Variants in AFF2 observed in about 807,000 individuals in gnomAD.
AFF2 encodes ALF transcription elongation factor 2.
Under a neutral mutation model 76.9 loss-of-function variants are expected in AFF2, and 14 were observed. That is an observed-to-expected ratio of 0.18 (90% CI 0.12 to 0.28). The LOEUF is 0.28. Ranked by LOEUF, AFF2 falls within the 10% of genes least tolerant of loss-of-function variation. The pLI, the probability that AFF2 is intolerant of heterozygous loss-of-function variation, is 1.00. For missense variants in AFF2, 868 were observed against 1,001.1 expected (o/e 0.87, Z 1.79); for synonymous variants, 398 against 366.7 (o/e 1.09, Z -0.98).
At chrX:148,511,893 C>A (rs2052486389) in intron 1 of AFF2, among the ~76,000 whole-genome samples, 1 of 112,310 alleles carries the variant, frequency 8.9e-6, no homozygotes, top group Non-Finnish European at 1.9e-5. Context: ...TGGAAAAACA[C>A]CCCTGAACAT....
At chrX:148,600,633 C>T (rs2053617488) in intron 1 of AFF2, among the ~76,000 whole-genome samples, 1 of 111,657 alleles carries the variant, frequency 9.0e-6, no homozygotes, top group African/African-American at 3.3e-5. Context: ...GTGCAGCTCA[C>T]CATACAAAAG....
At chrX:148,645,166 G>C (rs962929971) in intron 1 of AFF2, among the ~76,000 whole-genome samples, 1 of 111,405 alleles carries the variant, frequency 9.0e-6, no homozygotes, top group African/African-American at 3.3e-5. Flanking sequence ...ATGAAATTTT[G>C]CTATGTTTTT....
At chrX:148,646,526 G>C (rs979617198) in intron 1 of AFF2, among the ~76,000 whole-genome samples, 2 of 111,850 alleles carry the variant, frequency 1.8e-5, no homozygotes, top group Non-Finnish European at 3.8e-5. Flanking sequence ...TATTAAGCCT[G>C]TTTCTGCCAG....
chrX:148,523,546 A>G (rs1443692239), intron 1 of AFF2, among the ~76,000 whole-genome samples: 1 of 112,456 alleles, frequency 8.9e-6, no homozygotes, highest in Non-Finnish European at 1.9e-5. Flanking sequence ...TCAAATGAAA[A>G]TAGCTCTCTT....
chrX:148,595,111 C>T (rs1214979372), intron 1 of AFF2, among the ~76,000 whole-genome samples: 3 of 111,935 alleles, frequency 2.7e-5, no homozygotes, highest in Non-Finnish European at 5.6e-5. Flanking sequence ...TGCAATGGGA[C>T]AGAATAGCTT....
chrX:148,943,583 A>G (rs1557285843), intron 9 of AFF2, among the ~76,000 whole-genome samples: 1 of 111,960 alleles, frequency 8.9e-6, no homozygotes, highest in Non-Finnish European at 1.9e-5. Context: ...TCTTGTGGCA[A>G]TCAAATCATG....
At chrX:148,629,813 C>A (rs1452011529) in intron 1 of AFF2, among the ~76,000 whole-genome samples, 2 of 111,483 alleles carry the variant, frequency 1.8e-5, no homozygotes, top group African/African-American at 6.5e-5. Context: ...AACTCTTGAG[C>A]CTGTTCAGTG....
intron 14 of AFF2, 82 bp downstream of exon 14, chrX:148,967,161 T>C (rs896645731): frequency 1.4e-5 from 16 of 1,157,475 alleles, no homozygotes; most frequent in Admixed American, 2.3e-5. Flanking sequence ...GTGCTGTGCA[T>C]GTGTCACCCC....
In AFF2 at chrX:148,996,981, C is replaced by G. The variant is rs1479400582; in HGVS notation, c.*5649C>G. 3 of 112,104 alleles carry G rather than the reference C, an allele frequency of 2.7e-5. No homozygotes were observed. Among genetic ancestry groups the G allele is most frequent in the Non-Finnish European group, 3.8e-5 (2 of 53,182 alleles). The allele number at this position is 112,104 out of a possible 1,213,427, so 9.2% of individuals were successfully genotyped here. Reference sequence around the variant, plus strand: ...GGAGAATAGCACAATCCAGAATTTACTGTGTTTTTCTTTTATGTGACGTGG... The same window carrying G: ...GGAGAATAGCACAATCCAGAATTTAGTGTGTTTTTCTTTTATGTGACGTGG... On this transcript the variant is annotated 3_prime_UTR_variant, in exon 21 of 21. Transcript: ENST00000370460.
intron 9 of AFF2, among the ~76,000 whole-genome samples, chrX:148,906,137 C>G (rs781923976): frequency 3.7e-4 from 42 of 112,023 alleles, no homozygotes; most frequent in Non-Finnish European, 7.5e-4. Flanking sequence ...GAGACTTCCT[C>G]AAGACCTCAG....
intron 1 of AFF2, among the ~76,000 whole-genome samples, chrX:148,624,878 A>C (rs1211803955): frequency 8.9e-6 from 1 of 112,005 alleles, no homozygotes; most frequent in African/African-American, 3.2e-5. Flanking sequence ...GAGTTATAAC[A>C]ATTGTCCGAG....
rs189827634 is a variant in AFF2, at chrX:148,501,244, C to T, written c.47+100C>T. The T allele has an allele frequency of 1.5e-3, 1,537 of 1,043,476 alleles. 22 individuals are homozygous for T. The East Asian group carries it at 0.044, about 30-fold the overall frequency. 86.0% of individuals were successfully genotyped at this position (1,043,476 alleles called of 1,213,427 possible). Reference sequence around the variant, plus strand: ...GAGGAGCTGAAGCTGTCGTGGGGGGCGCCCCGGACTCCCTCCCACTTGCTC... The same window carrying T: ...GAGGAGCTGAAGCTGTCGTGGGGGGTGCCCCGGACTCCCTCCCACTTGCTC... On this transcript the variant is annotated intron_variant, in intron 1 of 20. Coordinates refer to ENST00000370460, the MANE Select transcript of AFF2 (RefSeq NM_002025.4).
At chrX:148,825,125 G>T (rs1198975163) in intron 4 of AFF2, among the ~76,000 whole-genome samples, 1 of 111,215 alleles carries the variant, frequency 9.0e-6, no homozygotes, top group Non-Finnish European at 1.9e-5. Flanking sequence ...AATTATAATG[G>T]ACTTCCAGAA....
chrX:148,966,703 G>A lies in AFF2; in HGVS notation c.2914-87G>A, dbSNP rs191834835. 1,648 of 1,088,742 alleles carry A rather than the reference G, an allele frequency of 1.5e-3. 1 individual carries two copies. The highest frequency in any genetic ancestry group is 1.8e-3 in the Non-Finnish European group (1,506 of 834,595). 89.7% of individuals were successfully genotyped at this position (1,088,742 alleles called of 1,213,427 possible). A position where few individuals can be genotyped will look rare whatever the true frequency, so the allele number is the denominator to read the frequency against. On this transcript the variant is annotated intron_variant, in intron 13 of 20. Coordinates refer to ENST00000370460, the MANE Select transcript of AFF2 (RefSeq NM_002025.4). ...TTTTTTTTTTTTTTTGCCTTCTTTC[G>A]TAACGTGCTTGACATTCAAAGCATT...
At chrX:148,929,756 G>T (rs16994845) in intron 9 of AFF2, among the ~76,000 whole-genome samples, 1,817 of 111,694 alleles carry the variant, frequency 0.016, 37 homozygotes, top group African/African-American at 0.056. Flanking sequence ...ACCAAAGATG[G>T]GAGGAAACCC....
intron 1 of AFF2, among the ~76,000 whole-genome samples, chrX:148,530,913 G>A (rs1258378676): frequency 9.0e-6 from 1 of 111,662 alleles, no homozygotes; most frequent in Non-Finnish European, 1.9e-5. Context: ...GGCTCTGCCA[G>A]GTGTTCAGCT....
chrX:148,866,077 G>A (rs1017044148), intron 7 of AFF2, among the ~76,000 whole-genome samples: 10 of 111,393 alleles, frequency 9.0e-5, no homozygotes, highest in African/African-American at 3.3e-4. Flanking sequence ...TATTTCTATG[G>A]CACTTCCCCT....
Position 148,991,536 on chromosome X carries a change from AT to A in AFF2, c.*212del, listed in dbSNP as rs782135720. ...GCAGTGTACGTTTTATTACTTAGTC[AT>A]TTTTTTTCTTTTAGCATTTGATATG... On this transcript the variant is annotated 3_prime_UTR_variant, in exon 21 of 21. Transcript: ENST00000370460. 7.7e-5 allele frequency: 28 copies of A among 361,927 alleles called. No homozygotes were observed. Among genetic ancestry groups the A allele is most frequent in the South Asian group, 1.3e-4 (1 of 7,554 alleles). The allele number at this position is 361,927 out of a possible 1,213,427, so 29.8% of individuals were successfully genotyped here.
chrX:148,612,607 G>A (rs2053745532), intron 1 of AFF2, among the ~76,000 whole-genome samples: 1 of 112,122 alleles, frequency 8.9e-6, no homozygotes, highest in Non-Finnish European at 1.9e-5. Flanking sequence ...ACCAATCCTA[G>A]GTTTGTGGCT....
Sources: gnomAD v4.1 joint callset for allele counts (sites outside exome capture counted in the v4.1 genomes callset) on GRCh38, gnomAD v4.1.1 for gene constraint, MANE v1.5 for transcripts, NCBI Gene and HGNC (gene_info 2026-07-23, HGNC 2026-07-21) for gene names.